GLI2: variants seen among roughly 807,000 people sequenced by gnomAD.
The protein encoded by GLI2 is transcription activator GLI2.
A neutral mutation model predicts 78.9 loss-of-function variants in GLI2; 22 were observed. The observed-to-expected ratio is 0.28, with a 90% confidence interval of 0.20 to 0.40. The LOEUF is 0.40. GLI2 is among the 10% of genes least tolerant of loss of function. GLI2 has a pLI of 1.00. For missense variants in GLI2, 2,097 were observed against 2,213.2 expected (o/e 0.95, Z 1.05); for synonymous variants, 974 against 963.7 (o/e 1.01, Z -0.20).
intron 3 of GLI2, 63 bp downstream of exon 3, chr2:120,927,529 C>T (rs929169318): frequency 2.7e-5 from 29 of 1,090,922 alleles, no homozygotes; most frequent in Admixed American, 2.2e-4. Flanking sequence ...GAGGCTGGGC[C>T]GGCAGCCTCA....
chr2:120,956,111 T>G (rs150277143), intron 5 of GLI2, among the ~76,000 whole-genome samples: 1 of 151,962 alleles, frequency 6.6e-6, no homozygotes, highest in Admixed American at 6.5e-5. Flanking sequence ...GAGAATTGAT[T>G]TGGGGGCAAG....
At chr2:120,792,730 C>A (rs1213365216) in intron 1 of GLI2, among the ~76,000 whole-genome samples, 1 of 152,188 alleles carries the variant, frequency 6.6e-6, no homozygotes, top group Non-Finnish European at 1.5e-5. Flanking sequence ...CCAAGCGATT[C>A]CCCTGCCTCA....
intron 1 of GLI2, among the ~76,000 whole-genome samples, chr2:120,765,301 T>C (rs1024847425): frequency 5.9e-5 from 9 of 152,230 alleles, no homozygotes; most frequent in African/African-American, 2.2e-4. Context: ...TCCTTTTCCT[T>C]GCACTTCTAA....
At chr2:120,785,618 G>GCCCTGC (rs1487409536) in intron 1 of GLI2, among the ~76,000 whole-genome samples, 3 of 152,176 alleles carry the variant, frequency 2.0e-5, no homozygotes, top group Non-Finnish European at 2.9e-5. Flanking sequence ...TCCCACCCCT[G>GCCCTGC]CCCTGCCCCT....
At chr2:120,785,028 C>T (rs1027954459) in intron 1 of GLI2, among the ~76,000 whole-genome samples, 12 of 152,194 alleles carry the variant, frequency 7.9e-5, no homozygotes, top group South Asian at 2.1e-4. Context: ...TAAAGAACGT[C>T]GAGCTTGTCT....
chr2:120,981,068 A>C (rs535575505), intron 10 of GLI2, among the ~76,000 whole-genome samples: 1 of 152,080 alleles, frequency 6.6e-6, no homozygotes, highest in East Asian at 1.9e-4. Flanking sequence ...TTTAGTAGAG[A>C]CGGGGTTTCA....
At chr2:120,973,263 A>G (rs114398094) in intron 8 of GLI2, among the ~76,000 whole-genome samples, 291 of 152,342 alleles carry the variant, frequency 1.9e-3, no homozygotes, top group African/African-American at 6.7e-3. Context: ...TCGGGAGCCA[A>G]TGAAATTGAT....
chr2:120,860,947 T>C (rs1166320743), intron 2 of GLI2, among the ~76,000 whole-genome samples: 1 of 152,204 alleles, frequency 6.6e-6, no homozygotes, highest in African/African-American at 2.4e-5. Flanking sequence ...AGATCCGTTA[T>C]GGCCAGCACA....
At chr2:120,940,582 A>G (rs1037460996) in intron 3 of GLI2, among the ~76,000 whole-genome samples, 2 of 152,176 alleles carry the variant, frequency 1.3e-5, no homozygotes, top group East Asian at 3.9e-4. Context: ...CACCTTGTAT[A>G]CTGTTAGAAG....
At chr2:120,818,483 A>G (rs1360040482) in intron 2 of GLI2, among the ~76,000 whole-genome samples, 1 of 152,222 alleles carries the variant, frequency 6.6e-6, no homozygotes, top group Non-Finnish European at 1.5e-5. Context: ...ACTGAACCAC[A>G]CAAGGCCGAG....
At chr2:120,985,834 G>T (rs1205790981) in intron 12 of GLI2, among the ~76,000 whole-genome samples, 1 of 152,180 alleles carries the variant, frequency 6.6e-6, no homozygotes, top group African/African-American at 2.4e-5. Flanking sequence ...TCCCCCTCCT[G>T]GTCATCCTTT....
intron 1 of GLI2, among the ~76,000 whole-genome samples, chr2:120,777,233 G>A (rs1683706707): frequency 6.6e-6 from 1 of 152,184 alleles, no homozygotes; most frequent in Admixed American, 6.5e-5. Context: ...ATGACTGTGT[G>A]TGTGTGCTGT....
intron 2 of GLI2, 44 bp downstream of exon 2, chr2:120,797,512 T>C (rs1558801074): frequency 1.3e-6 from 2 of 1,581,588 alleles, no homozygotes; most frequent in South Asian, 2.2e-5. Flanking sequence ...GGGGTGTTTT[T>C]CATTAGCCCG....
At chr2:120,965,480 TGCAGA>T (rs1681803658) in intron 5 of GLI2, among the ~76,000 whole-genome samples, 1 of 150,438 alleles carries the variant, frequency 6.6e-6, no homozygotes, top group Non-Finnish European at 1.5e-5. Flanking sequence ...CCAGCCGGGA[TGCAGA>T]TGCTGCGGCA....
intron 3 of GLI2, among the ~76,000 whole-genome samples, chr2:120,945,357 GCTTGTGCCTCATGCCCAGA>G (rs1680657920): frequency 2.0e-5 from 3 of 152,154 alleles, no homozygotes; most frequent in Admixed American, 2.0e-4. Context: ...AGAGTCCCCT[GCTTGTGCCTCATGCCCAGA>G]CACAGAAGGA....
At chr2:120,759,592 G>A (rs1296761913) in intron 1 of GLI2, among the ~76,000 whole-genome samples, 1 of 152,102 alleles carries the variant, frequency 6.6e-6, no homozygotes, top group Non-Finnish European at 1.5e-5. Flanking sequence ...GCCCTTTTGG[G>A]TGCACTACCT....
chr2:120,886,159 AGTGTGTGTGTGTGTGTGTGTGT>A (rs532891541), intron 2 of GLI2, among the ~76,000 whole-genome samples: 6 of 116,750 alleles, frequency 5.1e-5, no homozygotes, highest in East Asian at 2.6e-4. Flanking sequence ...ATTTTTCCAA[AGTGTGTGTGTGTGTGTGTGTGT>A]GTGTGTGTGT....
At chr2:120,827,283 G>A (rs1354028897) in intron 2 of GLI2, among the ~76,000 whole-genome samples, 2 of 152,236 alleles carry the variant, frequency 1.3e-5, no homozygotes, top group Non-Finnish European at 2.9e-5. Flanking sequence ...GCGTCTCTAA[G>A]TAGTGCCTCT....
chr2:120,837,960 C>G (rs1342577151), intron 2 of GLI2, among the ~76,000 whole-genome samples: 1 of 152,126 alleles, frequency 6.6e-6, no homozygotes, highest in East Asian at 1.9e-4. Flanking sequence ...GGTCTTGGCT[C>G]TTTTTCTGCC....
Sources: allele counts gnomAD v4.1 joint callset (sites outside exome capture counted in the v4.1 genomes callset), GRCh38; gene constraint gnomAD v4.1.1; transcripts MANE v1.5; gene names NCBI Gene and HGNC (gene_info 2026-07-23, HGNC 2026-07-21).